The following LPIN1 variants were observed in gnomAD, a reference collection of about 807,000 sequenced individuals.
LPIN1 encodes lipin 1.
A neutral mutation model predicts 107.5 loss-of-function variants in LPIN1; 71 were observed. The observed-to-expected ratio is 0.66, with a 90% CI of 0.55 to 0.80. The LOEUF (loss-of-function observed/expected upper bound fraction) is 0.80. Among genes scored for constraint, LPIN1 ranks in the 30% least tolerant of loss-of-function variants. LPIN1 has a pLI of 0.00. For synonymous variants in LPIN1, 445 were observed against 452.6 expected (o/e 0.98, Z 0.21); for missense variants, 1,043 against 1,160.6 (o/e 0.90, Z 1.47).
intron 14 of LPIN1, among the ~76,000 whole-genome samples, chr2:11,801,734 A>G (rs1677776061): frequency 6.6e-6 from 1 of 152,208 alleles, no homozygotes; most frequent in Non-Finnish European, 1.5e-5. Context: ...TATAAATTTC[A>G]AAATAGTTAG....
At chr2:11,792,030 G>GCTCACA in intron 13 of LPIN1, 24 bp downstream of exon 13, 1 of 1,599,264 alleles carries the variant, frequency 6.3e-7, no homozygotes, top group Non-Finnish European at 8.6e-7. Context: ...ACAAAGCAGT[G>GCTCACA]CTCACACTTA....
At chr2:11,777,670 C>T (rs777756169) in intron 6 of LPIN1, 1 of 152,168 alleles carries the variant, frequency 6.6e-6, no homozygotes. Flanking sequence ...TCGTAAAACC[C>T]GTAAAGCCCG....
At chr2:11,815,391 C>A in intron 18 of LPIN1, 151 bp downstream of exon 18, 1 of 1,024,882 alleles carries the variant, frequency 9.8e-7, no homozygotes, top group Non-Finnish European at 1.5e-6. Flanking sequence ...ATTCCAAACA[C>A]AGGTCTACAC....
In LPIN1 at chr2:11,815,241, G is replaced by A; in HGVS notation, c.2402+1G>A. On this transcript the variant is annotated splice_donor_variant, in intron 18 of 20. Transcript: ENST00000674199. LOFTEE classifies it high-confidence loss of function. ...GCAGCCTCTTCTCTGCCCTGCACAGGTACCAGGCCTGCTCCCTGCACCTCC... is the reference window on the plus strand; with the variant it reads ...GCAGCCTCTTCTCTGCCCTGCACAGATACCAGGCCTGCTCCCTGCACCTCC... 6.2e-7 allele frequency: 1 copy of A among 1,613,920 alleles called. No individual in the cohort carries two copies.
intron 1 of LPIN1, chr2:11,724,712 G>A: frequency 1.1e-6 from 1 of 903,788 alleles, no homozygotes; most frequent in Non-Finnish European, 1.3e-6. Flanking sequence ...AGGTCAATGT[G>A]TCCCCCATCG....
rs1052671348 is a variant in LPIN1 at position 11,786,372 on chromosome 2, A to G, written c.1550-702A>G. Among the ~76,000 whole-genome samples, 2 of 152,140 alleles carry G rather than the reference A, an allele frequency of 1.3e-5. No homozygotes were observed. Among genetic ancestry groups the G allele is most frequent in the Non-Finnish European group, 2.9e-5 (2 of 68,024 alleles). ...GAAGGAGTGGGCGTGGCTCTGGGCC[A>G]GGGAGATGGTCAGAACCGCGGTCAA... On this transcript the variant is annotated intron_variant, in intron 10 of 20. Transcript: ENST00000674199. This position sits in a 1 kb window ranked among gnomAD's most constrained non-coding sequence, Gnocchi z 4.1.
At chr2:11,754,454 G>T in intron 1 of LPIN1, among the ~76,000 whole-genome samples, 1 of 152,220 alleles carries the variant, frequency 6.6e-6, no homozygotes, top group East Asian at 1.9e-4. Flanking sequence ...GAACCCAGGA[G>T]GGTGTTTCGG....
chr2:11,694,973 T>G (rs148390183), intron 1 of LPIN1, among the ~76,000 whole-genome samples: 1 of 152,160 alleles, frequency 6.6e-6, no homozygotes, highest in Non-Finnish European at 1.5e-5. Context: ...ATCTGGGCTG[T>G]CACATGGCTT....
chr2:11,698,583 G>A (rs567929741), intron 1 of LPIN1, among the ~76,000 whole-genome samples: 17 of 152,316 alleles, frequency 1.1e-4, no homozygotes, highest in African/African-American at 3.4e-4. Context: ...TAGATTGCCC[G>A]ACACCATGCC....
chr2:11,687,858 G>A (rs1207515634), intron 1 of LPIN1, among the ~76,000 whole-genome samples: 3 of 152,242 alleles, frequency 2.0e-5, no homozygotes, highest in South Asian at 4.1e-4. Flanking sequence ...TGGCAGGGCC[G>A]CAGCTAAGTC....
chr2:11,787,809 C>T (rs527343723), intron 11 of LPIN1, among the ~76,000 whole-genome samples: 2 of 152,016 alleles, frequency 1.3e-5, no homozygotes, highest in African/African-American at 2.4e-5. Context: ...GGCGCGGTGG[C>T]GGGCGCCTGT....
At chr2:11,728,642 C>G (rs1664896070) in intron 1 of LPIN1, among the ~76,000 whole-genome samples, 1 of 152,162 alleles carries the variant, frequency 6.6e-6, no homozygotes. Flanking sequence ...TCCCAAAGTG[C>G]TGGGATCACA....
At chr2:11,715,781 G>A (rs908073611) in intron 2 of LPIN1, among the ~76,000 whole-genome samples, 2 of 152,162 alleles carry the variant, frequency 1.3e-5, no homozygotes, top group Non-Finnish European at 2.9e-5. Flanking sequence ...TGAGATTTGG[G>A]GGATGTGATT....
exon 1 of LPIN1, chr2:11,724,475 C>T: frequency 1.0e-6 from 1 of 985,856 alleles, no homozygotes; most frequent in South Asian, 4.7e-5. Context: ...AGCCACCCAG[C>T]AGTGGCCCAG....
intron 12 of LPIN1, among the ~76,000 whole-genome samples, chr2:11,789,575 C>CGTGT (rs143313691): frequency 6.8e-6 from 1 of 147,586 alleles, no homozygotes; most frequent in Admixed American, 6.7e-5. Flanking sequence ...TGTGTGTGTG[C>CGTGT]GTGTGTGTGT....
intron 11 of LPIN1, 109 bp from the exon 12 acceptor site, chr2:11,788,277 TA>T: frequency 1.3e-6 from 1 of 792,254 alleles, no homozygotes; most frequent in Non-Finnish European, 2.2e-6. Context: ...TTGAGCTCTT[TA>T]AGGGCCTCGC....
intron 1 of LPIN1, among the ~76,000 whole-genome samples, chr2:11,761,279 C>G (rs2148607755): frequency 6.6e-6 from 1 of 152,288 alleles, no homozygotes; most frequent in Non-Finnish European, 1.5e-5. Flanking sequence ...TATTGTACAT[C>G]TTTTCAGGAA....
At chr2:11,751,172 T>A (rs887146931) in intron 1 of LPIN1, among the ~76,000 whole-genome samples, 3 of 152,136 alleles carry the variant, frequency 2.0e-5, no homozygotes, top group African/African-American at 7.2e-5. Flanking sequence ...GGGGTTGTGG[T>A]ATCTGAGGGT....
rs372238858 is a variant in LPIN1, at chr2:11,708,938, ATTG to A, written c.82-4815_82-4813del. Among the ~76,000 whole-genome samples, 6 of 152,248 alleles carry A rather than the reference ATTG, an allele frequency of 3.9e-5. No individual in the cohort carries two copies. The South Asian group carries it at 8.3e-4, about 21-fold the overall frequency. ...CTATGACAAAGCTACTACTATTATT[ATTG>A]TTATTATTGTTCCCCTTTTATAGAG... is the stretch of plus-strand genomic sequence containing the variant. On this transcript the variant is annotated intron_variant, in intron 1 of 21. Coordinates refer to the LPIN1 transcript ENST00000449576.
Sources: allele counts gnomAD v4.1 joint callset (sites outside exome capture counted in the v4.1 genomes callset), GRCh38; gene constraint gnomAD v4.1.1; non-coding constraint Gnocchi (gnomAD v3.1); transcripts MANE v1.5; gene names NCBI Gene and HGNC (gene_info 2026-07-23, HGNC 2026-07-21).